SCN1A: variants seen among roughly 807,000 people sequenced by gnomAD.
The protein encoded by SCN1A is sodium voltage-gated channel alpha subunit 1.
Under a neutral mutation model 193.7 loss-of-function variants are expected in SCN1A, and 13 were observed. The ratio of observed to expected loss-of-function variants is 0.07; its 90% CI spans 0.04 to 0.11. SCN1A has a LOEUF of 0.11. Among genes scored for constraint, SCN1A ranks in the 10% least tolerant of loss-of-function variants. The probability of loss-of-function intolerance (pLI) is 1.00; values close to 1 mark genes in which losing one functional copy is unlikely to be tolerated. For missense variants in SCN1A, 1,432 were observed against 2,451.1 expected (o/e 0.58, Z 8.78); for synonymous variants, 781 against 843.6 (o/e 0.93, Z 1.29).
In SCN1A at chr2:165,989,811, T is replaced by C. The variant is rs543150453; in HGVS notation, c.*1434A>G. 1 of 152,720 alleles carries C rather than the reference T, an allele frequency of 6.5e-6. No individual in the cohort carries two copies. Among genetic ancestry groups the C allele is most frequent in the Non-Finnish European group, 1.5e-5 (1 of 68,020 alleles). 9.5% of individuals were successfully genotyped at this position (152,720 alleles called of 1,614,324 possible). A position where few individuals can be genotyped will look rare whatever the true frequency, so the allele number is the denominator to read the frequency against. On this transcript the variant is annotated 3_prime_UTR_variant, in exon 29 of 29. Coordinates refer to ENST00000674923, the MANE Select transcript of SCN1A (RefSeq NM_001165963.4). ...GCTGAAAAATAAAATAAAGTGACTTTTTACAGTATTTATATTTGCTTATAA... is the reference window on the plus strand; with the variant it reads ...GCTGAAAAATAAAATAAAGTGACTTCTTACAGTATTTATATTTGCTTATAA...
intron 9 of SCN1A, among the ~76,000 whole-genome samples, chr2:166,049,444 ATAAT>A (rs960506938): frequency 8.1e-6 from 1 of 122,782 alleles, no homozygotes; most frequent in South Asian, 2.9e-4. Flanking sequence ...ATACATTTTA[ATAAT>A]TAAGTATAAC....
rs1688848630 is a variant in SCN1A, at chr2:165,989,409, A to G, written c.*1836T>C. On this transcript the variant is annotated 3_prime_UTR_variant, in exon 29 of 29. Transcript: ENST00000674923. The stretch of plus-strand genomic sequence containing the variant: ...ATGAAGCCCACATTCTATTTAGAAC[A>G]ATCTAGAGCAGCATTACTCCAAAGA... The G allele has an allele frequency of 6.6e-6, 1 of 152,468 alleles. No homozygotes were observed. The highest frequency in any genetic ancestry group is 1.5e-5 in the Non-Finnish European group (1 of 68,022). The allele number at this position is 152,468 out of a possible 1,614,324, so 9.4% of individuals were successfully genotyped here.
At chr2:166,045,768 A>G (rs1267543463) in intron 12 of SCN1A, among the ~76,000 whole-genome samples, 1 of 152,192 alleles carries the variant, frequency 6.6e-6, no homozygotes, top group Non-Finnish European at 1.5e-5. Flanking sequence ...TTCTCTAGTT[A>G]TTGAAATTGG....
intron 2 of SCN1A, among the ~76,000 whole-genome samples, chr2:166,111,000 T>C (rs1017231017): frequency 1.2e-4 from 19 of 152,190 alleles, no homozygotes; most frequent in African/African-American, 4.6e-4. Flanking sequence ...CATGTGGAAC[T>C]GTGAGTCCGT....
At chr2:166,032,378 A>G (rs1331115498) in intron 19 of SCN1A, among the ~76,000 whole-genome samples, 1 of 152,118 alleles carries the variant, frequency 6.6e-6, no homozygotes, top group African/African-American at 2.4e-5. Context: ...TGATGAGATT[A>G]ATATACTACA....
intron 13 of SCN1A, among the ~76,000 whole-genome samples, chr2:166,044,370 A>C (rs1697542293): frequency 1.3e-5 from 2 of 152,140 alleles, no homozygotes; most frequent in Admixed American, 6.6e-5. Context: ...AGAATATGGC[A>C]ATGGACGTGG....
rs1042327967 is a variant in SCN1A at position 165,989,165 on chromosome 2, T to TA, written c.*2079dup. ...AAAAGTGACTGGGCAAACAATAAAA[T>TA]AAAAAATGTAATCTTTATTAGTTTT... On this transcript the variant is annotated 3_prime_UTR_variant, in exon 29 of 29. Coordinates refer to ENST00000674923, the MANE Select transcript of SCN1A (RefSeq NM_001165963.4). 5 of 152,220 alleles carry TA rather than the reference T, an allele frequency of 3.3e-5. No individual in the cohort carries two copies. Among genetic ancestry groups the TA allele is most frequent in the Admixed American group, 2.6e-4 (4 of 15,218 alleles). The allele number at this position is 152,220 out of a possible 1,614,324, so 9.4% of individuals were successfully genotyped here. A position where few individuals can be genotyped will look rare whatever the true frequency, so the allele number is the denominator to read the frequency against.
At chr2:166,078,469 G>A (rs1173025202) in intron 2 of SCN1A, among the ~76,000 whole-genome samples, 1 of 150,538 alleles carries the variant, frequency 6.6e-6, no homozygotes, top group Non-Finnish European at 1.5e-5. Flanking sequence ...ATTGATAGTT[G>A]GGGGAGGCTC....
chr2:166,035,213 T>C (rs1188169350), intron 19 of SCN1A, among the ~76,000 whole-genome samples: 1 of 152,152 alleles, frequency 6.6e-6, no homozygotes, highest in Non-Finnish European at 1.5e-5. Context: ...GACCTAATGC[T>C]CCCTAAGCTA....
intron 4 of SCN1A, among the ~76,000 whole-genome samples, chr2:166,072,677 C>G (rs991560675): frequency 6.6e-6 from 1 of 152,004 alleles, no homozygotes; most frequent in African/African-American, 2.4e-5. Context: ...CTTTATAACT[C>G]ATGATTTTGA....
chr2:166,046,701 C>G (rs1574232653), intron 12 of SCN1A, 69 bp downstream of exon 12: 5 of 1,499,812 alleles, frequency 3.3e-6, no homozygotes, highest in Non-Finnish European at 4.6e-6. Context: ...TAGGTACTCA[C>G]TTTCTCTTCA....
At chr2:166,025,796 C>G (rs1694683233) in intron 19 of SCN1A, among the ~76,000 whole-genome samples, 1 of 152,000 alleles carries the variant, frequency 6.6e-6, no homozygotes, top group African/African-American at 2.4e-5. Context: ...TCTAATTTCT[C>G]AAAGATATTT....
Position 166,013,729 on chromosome 2 carries a change from C to T in SCN1A, c.3705+15G>A, listed in dbSNP as rs1200162739. The T allele has an allele frequency of 6.2e-7, 1 of 1,610,260 alleles. No homozygotes were observed. The highest frequency in any genetic ancestry group is 1.1e-5 in the South Asian group (1 of 90,996). On this transcript the variant is annotated intron_variant, in intron 21 of 28. Transcript: ENST00000674923. ...AAAAATTAGTGCTGTATCACCTTTT[C>T]TTAATCTCACTCACCAGAGCACCAC...
chr2:166,059,617 G>T (rs574695153), intron 4 of SCN1A: 2 of 152,300 alleles, frequency 1.3e-5, no homozygotes, highest in Non-Finnish European at 2.9e-5. Flanking sequence ...TCTCTGTGAA[G>T]AGCATATTTG....
At position 166,076,287 on chromosome 2, in the gene SCN1A, C is replaced by A. The variant is rs1323166853; in HGVS notation, c.-50+1423G>T. Among the ~76,000 whole-genome samples the A allele has an allele frequency of 3.9e-5, 6 of 151,912 alleles. No homozygotes were observed. In the South Asian group the frequency reaches 1.0e-3, roughly 26 times the overall value. On this transcript the variant is annotated intron_variant, in intron 3 of 28. Transcript: ENST00000674923. ...ATACACACACATGCATCTGTATCAC[C>A]TTTCCCTCTTGTATTTTTAGTATTT...
At chr2:166,029,717 T>C (rs906552801) in intron 19 of SCN1A, among the ~76,000 whole-genome samples, 12 of 152,316 alleles carry the variant, frequency 7.9e-5, no homozygotes, top group African/African-American at 2.9e-4. Context: ...TGCTGTGGAC[T>C]TAAGGGAAGA....
chr2:166,069,494 A>G (rs1684190640), intron 4 of SCN1A, among the ~76,000 whole-genome samples: 3 of 152,214 alleles, frequency 2.0e-5, no homozygotes. Flanking sequence ...ATTGGAAAAT[A>G]TACTCTCAGC....
At chr2:166,135,621 T>C (rs1398800400) in intron 1 of SCN1A, among the ~76,000 whole-genome samples, 2 of 152,220 alleles carry the variant, frequency 1.3e-5, no homozygotes, top group African/African-American at 4.8e-5. Context: ...CATCTTTTCT[T>C]TTTGTTTCTT....
At chr2:166,074,388 G>A (rs1442249045) in intron 3 of SCN1A, among the ~76,000 whole-genome samples, 3 of 152,180 alleles carry the variant, frequency 2.0e-5, no homozygotes, top group Non-Finnish European at 4.4e-5. Flanking sequence ...GAAGATAGCT[G>A]TAGGTGCAGG....
Sources: gnomAD v4.1 joint callset for allele counts (sites outside exome capture counted in the v4.1 genomes callset) on GRCh38, gnomAD v4.1.1 for gene constraint, MANE v1.5 for transcripts, NCBI Gene and HGNC (gene_info 2026-07-23, HGNC 2026-07-21) for gene names.